GSK3B: variants seen among roughly 807,000 people sequenced by gnomAD.
GSK3B encodes the protein glycogen synthase kinase 3 beta.
In GSK3B, 15 loss-of-function variants were observed where a neutral mutation model predicts 56.4. That is an observed-to-expected ratio of 0.27 (90% confidence interval 0.18 to 0.41). The LOEUF is 0.41. Among genes scored for constraint, GSK3B ranks in the 10% least tolerant of loss-of-function variants. The pLI is 1.00. For missense variants in GSK3B, 300 were observed against 513.4 expected (o/e 0.58, Z 4.02); for synonymous variants, 181 against 188.9 (o/e 0.96, Z 0.34).
intron 2 of GSK3B, among the ~76,000 whole-genome samples, chr3:119,952,253 C>T (rs367959620): frequency 1.6e-3 from 248 of 151,982 alleles, no homozygotes; most frequent in African/African-American, 5.4e-3. Flanking sequence ...TTTGGGAGGC[C>T]GAGGCGGGTG....
At chr3:119,855,832 G>A (rs373326060) in intron 9 of GSK3B, among the ~76,000 whole-genome samples, 17 of 152,172 alleles carry the variant, frequency 1.1e-4, no homozygotes, top group East Asian at 3.9e-4. Context: ...CCTGTCGTGC[G>A]GTGGGGGGAG....
chr3:120,006,291 T>A (rs1233348629), intron 1 of GSK3B, among the ~76,000 whole-genome samples: 4 of 152,140 alleles, frequency 2.6e-5, no homozygotes, highest in African/African-American at 9.7e-5. Flanking sequence ...ACAAAGAGAC[T>A]GAGACTCCCA....
At chr3:119,840,323 C>T (rs981627459) in intron 10 of GSK3B, among the ~76,000 whole-genome samples, 1 of 151,486 alleles carries the variant, frequency 6.6e-6, no homozygotes, top group Non-Finnish European at 1.5e-5. Flanking sequence ...CTCCCAGGTT[C>T]AAGCAATTCT....
intron 1 of GSK3B, among the ~76,000 whole-genome samples, chr3:120,054,326 G>A (rs2058175831): frequency 6.6e-6 from 1 of 151,958 alleles, no homozygotes; most frequent in African/African-American, 2.4e-5. Flanking sequence ...TTTTCAAACG[G>A]TAGTCAATAC....
chr3:120,014,114 G>A (rs1429290054), intron 1 of GSK3B, among the ~76,000 whole-genome samples: 3 of 139,520 alleles, frequency 2.2e-5, no homozygotes, highest in East Asian at 2.1e-4. Context: ...CAGCCTGGGA[G>A]ACAGAGTGAG....
At chr3:119,909,704 GA>G (rs1450181964) in intron 6 of GSK3B, among the ~76,000 whole-genome samples, 6 of 152,198 alleles carry the variant, frequency 3.9e-5, no homozygotes, top group African/African-American at 1.4e-4. Context: ...CATCTTGGGT[GA>G]AGACTTGAGA....
At chr3:119,998,966 G>A (rs78037440) in intron 2 of GSK3B, among the ~76,000 whole-genome samples, 2,392 of 152,150 alleles carry the variant, frequency 0.016, 60 homozygotes, top group African/African-American at 0.055. Flanking sequence ...CCTATATCAA[G>A]GTTTAAAGTG....
At chr3:119,848,651 T>A (rs2055888279) in intron 9 of GSK3B, among the ~76,000 whole-genome samples, 1 of 152,172 alleles carries the variant, frequency 6.6e-6, no homozygotes. Flanking sequence ...GTAGTAGTTT[T>A]AAAATGTTTT....
At chr3:120,064,804 T>C (rs2058265984) in intron 1 of GSK3B, among the ~76,000 whole-genome samples, 1 of 152,134 alleles carries the variant, frequency 6.6e-6, no homozygotes, top group Non-Finnish European at 1.5e-5. Context: ...AAGACAAACA[T>C]ACAGATCAAG....
At chr3:120,071,114 A>G (rs913442093) in intron 1 of GSK3B, among the ~76,000 whole-genome samples, 1 of 152,368 alleles carries the variant, frequency 6.6e-6, no homozygotes, top group Non-Finnish European at 1.5e-5. Flanking sequence ...AGCATTTCCT[A>G]AACTTTGGCC....
At chr3:120,067,603 G>A (rs1313455508) in intron 1 of GSK3B, among the ~76,000 whole-genome samples, 2 of 152,126 alleles carry the variant, frequency 1.3e-5, no homozygotes, top group Non-Finnish European at 2.9e-5. Flanking sequence ...AAAATCATAA[G>A]TTGAACCATC....
intron 2 of GSK3B, among the ~76,000 whole-genome samples, chr3:119,964,653 A>C (rs186480005): frequency 6.6e-6 from 1 of 152,318 alleles, no homozygotes; most frequent in African/African-American, 2.4e-5. Context: ...GTTATACAAG[A>C]TAAGTAAGTT....
At chr3:119,931,546 G>A (rs1047009136) in intron 3 of GSK3B, among the ~76,000 whole-genome samples, 1 of 152,110 alleles carries the variant, frequency 6.6e-6, no homozygotes, top group Non-Finnish European at 1.5e-5. Flanking sequence ...AACCCAGGAG[G>A]CGGAGGTTGC....
At chr3:119,830,664 T>G (rs560542487) in intron 10 of GSK3B, among the ~76,000 whole-genome samples, 1 of 152,352 alleles carries the variant, frequency 6.6e-6, no homozygotes, top group African/African-American at 2.4e-5. Context: ...GTCTCTTGTT[T>G]TCAACCAGAG....
chr3:120,075,198 C>A (rs1309184726), intron 1 of GSK3B, among the ~76,000 whole-genome samples: 1 of 152,254 alleles, frequency 6.6e-6, no homozygotes. Context: ...GATAAAAACT[C>A]TTTAACAGTT....
intron 4 of GSK3B, among the ~76,000 whole-genome samples, chr3:119,921,665 A>T (rs1471093963): frequency 2.0e-5 from 3 of 152,346 alleles, no homozygotes; most frequent in Non-Finnish European, 4.4e-5. Flanking sequence ...ATGGATTAAA[A>T]GAAACATTAG....
chr3:119,877,249 G>C (rs909012921), intron 7 of GSK3B, among the ~76,000 whole-genome samples: 1 of 152,016 alleles, frequency 6.6e-6, no homozygotes, highest in Non-Finnish European at 1.5e-5. Context: ...GTTCAGTATA[G>C]CCAAAGATTA....
chr3:119,902,928 T>C (rs981307100), intron 7 of GSK3B, among the ~76,000 whole-genome samples: 1 of 151,934 alleles, frequency 6.6e-6, no homozygotes, highest in African/African-American at 2.4e-5. Flanking sequence ...TTCCCTAGGC[T>C]AGTCTCAAAC....
intron 10 of GSK3B, among the ~76,000 whole-genome samples, chr3:119,833,434 A>G (rs976147596): frequency 1.3e-5 from 2 of 152,160 alleles, no homozygotes; most frequent in Admixed American, 6.6e-5. Context: ...GCAACCACAG[A>G]AATGTTCTAT....
Sources: gnomAD v4.1 joint callset for allele counts (sites outside exome capture counted in the v4.1 genomes callset) on GRCh38, gnomAD v4.1.1 for gene constraint, MANE v1.5 for transcripts, NCBI Gene and HGNC (gene_info 2026-07-23, HGNC 2026-07-21) for gene names.